The following PTPRK variants were observed in gnomAD, a reference collection of about 807,000 sequenced individuals.
PTPRK encodes protein tyrosine phosphatase receptor type K.
In PTPRK, 75 loss-of-function variants were observed where a neutral mutation model predicts 178.0. The observed-to-expected ratio is 0.42, with a 90% confidence interval of 0.35 to 0.51. The LOEUF (loss-of-function observed/expected upper bound fraction) is 0.51, where lower values mean the gene tolerates loss of function less well. PTPRK is among the 20% of genes least tolerant of loss of function. The pLI is 0.02. For synonymous variants in PTPRK, 637 were observed against 620.6 expected (o/e 1.03, Z -0.39); for missense variants, 1,441 against 1,797.8 (o/e 0.80, Z 3.59).
At chr6:128,007,914 C>A in intron 14 of PTPRK, 2 of 511,122 alleles carry the variant, frequency 3.9e-6, no homozygotes, top group South Asian at 3.5e-5. Flanking sequence ...ATTTTTATTG[C>A]TAAAATACTT....
intron 5 of PTPRK, among the ~76,000 whole-genome samples, chr6:128,230,544 A>G (rs911498608): frequency 3.3e-5 from 5 of 152,128 alleles, no homozygotes; most frequent in South Asian, 2.1e-4. Context: ...TTGAGTCACA[A>G]TAGTTTTTAT....
chr6:128,111,765 C>A (rs983940765), intron 7 of PTPRK, among the ~76,000 whole-genome samples: 1 of 152,022 alleles, frequency 6.6e-6, no homozygotes, highest in African/African-American at 2.4e-5. Context: ...CTTCTCCATG[C>A]TCAGTTAGAT....
intron 1 of PTPRK, among the ~76,000 whole-genome samples, chr6:128,435,650 T>C (rs1009652667): frequency 2.6e-5 from 4 of 152,140 alleles, no homozygotes; most frequent in Admixed American, 6.5e-5. Flanking sequence ...ATCTGTTACT[T>C]GAAAGAGAAA....
At chr6:128,012,813 T>C (rs1324767291) in intron 13 of PTPRK, among the ~76,000 whole-genome samples, 1 of 151,394 alleles carries the variant, frequency 6.6e-6, no homozygotes, top group Non-Finnish European at 1.5e-5. Context: ...TAATGGACAT[T>C]AGAGATAGAA....
intron 3 of PTPRK, among the ~76,000 whole-genome samples, chr6:128,256,339 C>T (rs1269114443): frequency 6.6e-6 from 1 of 151,910 alleles, no homozygotes; most frequent in East Asian, 1.9e-4. Flanking sequence ...GCTAGGGATA[C>T]GAAGATGGAT....
At chr6:128,103,649 C>G (rs1789172516) in intron 7 of PTPRK, among the ~76,000 whole-genome samples, 1 of 152,212 alleles carries the variant, frequency 6.6e-6, no homozygotes, top group South Asian at 2.1e-4. Context: ...CACATCACAT[C>G]CTTTTCATCA....
At chr6:128,401,398 T>G (rs532279195) in intron 1 of PTPRK, among the ~76,000 whole-genome samples, 81 of 152,322 alleles carry the variant, frequency 5.3e-4, no homozygotes, top group African/African-American at 1.9e-3. Flanking sequence ...AGTGCTTATT[T>G]AAACAGAGGG....
intron 8 of PTPRK, among the ~76,000 whole-genome samples, chr6:128,086,035 C>T (rs1054785508): frequency 2.0e-5 from 3 of 152,172 alleles, no homozygotes; most frequent in Non-Finnish European, 2.9e-5. Flanking sequence ...GTTACTAAAA[C>T]CATTATCATG....
Position 127,969,624 on chromosome 6 carries a change from T to A in PTPRK, c.*603A>T, listed in dbSNP as rs751602226. ...AGTAACCAATAAATATAATGTGCTT[T>A]CTCCATATAGACATATTTACACTTG... On this transcript the variant is annotated 3_prime_UTR_variant, in exon 30 of 30. Coordinates refer to ENST00000368226, the MANE Select transcript of PTPRK (RefSeq NM_002844.4). The A allele has an allele frequency of 6.6e-6, 1 of 152,146 alleles. No homozygotes were observed. Among genetic ancestry groups the A allele is most frequent in the African/African-American group, 2.4e-5 (1 of 41,460 alleles). The allele number at this position is 152,146 out of a possible 1,614,324, so 9.4% of individuals were successfully genotyped here. A position where few individuals can be genotyped will look rare whatever the true frequency, so the allele number is the denominator to read the frequency against.
At chr6:128,008,032 A>G (rs1198103855) in intron 14 of PTPRK, 10 of 1,330,994 alleles carry the variant, frequency 7.5e-6, no homozygotes, top group Non-Finnish European at 1.0e-5. Flanking sequence ...AACACAAAAC[A>G]CTATAATGCA....
At chr6:128,425,225 G>A (rs1204844656) in intron 1 of PTPRK, among the ~76,000 whole-genome samples, 2 of 151,920 alleles carry the variant, frequency 1.3e-5, no homozygotes, top group Non-Finnish European at 2.9e-5. Context: ...CTATAGGCAT[G>A]TGTCACCATG....
At chr6:128,293,368 A>C (rs1419106427) in intron 3 of PTPRK, among the ~76,000 whole-genome samples, 1 of 152,062 alleles carries the variant, frequency 6.6e-6, no homozygotes, top group Non-Finnish European at 1.5e-5. Flanking sequence ...GTGTTTTCAC[A>C]TGGTGAGTGG....
At chr6:128,151,644 T>C (rs1457011136) in intron 7 of PTPRK, among the ~76,000 whole-genome samples, 1 of 152,066 alleles carries the variant, frequency 6.6e-6, no homozygotes, top group Non-Finnish European at 1.5e-5. Flanking sequence ...ATAAAGATTC[T>C]ATAAATCTAT....
At position 128,428,220 on chromosome 6, in the gene PTPRK, C is replaced by A. The variant is rs941421298; in HGVS notation, c.101-30532G>T. Among the ~76,000 whole-genome samples the A allele has an allele frequency of 3.9e-5, 6 of 152,294 alleles. No homozygotes were observed. The East Asian group carries it at 7.7e-4, about 20-fold the overall frequency. On this transcript the variant is annotated intron_variant, in intron 1 of 29. Transcript: ENST00000368226. Reference sequence around the variant, plus strand: ...TAAGAATTCAATGGAGTTACTCACTCAGCGATAAGACCGAGTCCATTCTTC... The same window carrying A: ...TAAGAATTCAATGGAGTTACTCACTAAGCGATAAGACCGAGTCCATTCTTC...
intron 8 of PTPRK, among the ~76,000 whole-genome samples, chr6:128,089,025 C>T (rs906853690): frequency 6.6e-5 from 10 of 152,136 alleles, no homozygotes; most frequent in Middle Eastern, 3.2e-3. Context: ...TGCAATGGTG[C>T]GATCTCAGCT....
intron 1 of PTPRK, among the ~76,000 whole-genome samples, chr6:128,480,256 T>C (rs1345352428): frequency 6.6e-6 from 1 of 152,174 alleles, no homozygotes; most frequent in Non-Finnish European, 1.5e-5. Context: ...TTCTTCCAGA[T>C]GCCTGCAGGA....
intron 1 of PTPRK, among the ~76,000 whole-genome samples, chr6:128,495,360 G>A (rs1854500508): frequency 6.6e-6 from 1 of 151,960 alleles, no homozygotes; most frequent in Non-Finnish European, 1.5e-5. Flanking sequence ...AAAGATAAAA[G>A]AATATATAGC....
intron 3 of PTPRK, among the ~76,000 whole-genome samples, chr6:128,292,070 A>G (rs1823473453): frequency 6.6e-6 from 1 of 150,470 alleles, no homozygotes; most frequent in Non-Finnish European, 1.5e-5. Flanking sequence ...ATCATCAGCT[A>G]CCAATAAAAA....
At chr6:128,420,924 A>G (rs1226119665) in intron 1 of PTPRK, among the ~76,000 whole-genome samples, 1 of 152,208 alleles carries the variant, frequency 6.6e-6, no homozygotes, top group Non-Finnish European at 1.5e-5. Context: ...ACGAAATTCA[A>G]TTTTGGTATT....
Sources: allele counts gnomAD v4.1 joint callset (sites outside exome capture counted in the v4.1 genomes callset), GRCh38; gene constraint gnomAD v4.1.1; transcripts MANE v1.5; gene names NCBI Gene and HGNC (gene_info 2026-07-23, HGNC 2026-07-21).